CREB5: variants seen among roughly 807,000 people sequenced by gnomAD.
The protein encoded by CREB5 is cAMP responsive element binding protein 5.
Under a neutral mutation model 57.1 loss-of-function variants are expected in CREB5, and 19 were observed. That is an observed-to-expected ratio of 0.33 (90% CI 0.23 to 0.49). The LOEUF (loss-of-function observed/expected upper bound fraction) is 0.49. Among genes scored for constraint, CREB5 ranks in the 20% least tolerant of loss-of-function variants. CREB5 has a pLI of 0.99. For synonymous variants in CREB5, 238 were observed against 238.3 expected (o/e 1.00, Z 0.01); for missense variants, 579 against 671.6 (o/e 0.86, Z 1.52).
At chr7:28,426,662 A>C (rs1471391830) in intron 1 of CREB5, among the ~76,000 whole-genome samples, 4 of 152,240 alleles carry the variant, frequency 2.6e-5, no homozygotes, top group African/African-American at 9.6e-5. Context: ...TCATCTCCTG[A>C]TCTGCAAAAC....
At chr7:28,574,669 A>T (rs2128651811) in intron 5 of CREB5, among the ~76,000 whole-genome samples, 1 of 152,194 alleles carries the variant, frequency 6.6e-6, no homozygotes, top group South Asian at 2.1e-4. Flanking sequence ...TATTCTACAT[A>T]TTTTTTTCTT....
chr7:28,613,319 T>C (rs937152432), intron 5 of CREB5, among the ~76,000 whole-genome samples: 2 of 152,368 alleles, frequency 1.3e-5, no homozygotes, highest in African/African-American at 4.8e-5. Context: ...TGGCACTTGC[T>C]GAGGCAGGGC....
chr7:28,805,883 A>G (rs558668995), intron 8 of CREB5, among the ~76,000 whole-genome samples: 1 of 152,316 alleles, frequency 6.6e-6, no homozygotes, highest in East Asian at 1.9e-4. Flanking sequence ...CCCTTGACAC[A>G]GTGTTCAAAA....
chr7:28,356,049 C>T (rs970571367), intron 1 of CREB5, among the ~76,000 whole-genome samples: 3 of 152,188 alleles, frequency 2.0e-5, no homozygotes, highest in South Asian at 2.1e-4. Flanking sequence ...TTTGTAAACA[C>T]GCCTCTCTGT....
chr7:28,793,311 C>G (rs1392045242), intron 7 of CREB5, among the ~76,000 whole-genome samples: 1 of 152,176 alleles, frequency 6.6e-6, no homozygotes, highest in African/African-American at 2.4e-5. Context: ...ATATGGATAC[C>G]AAGGGACAAG....
rs1796306931 is a variant in CREB5 at position 28,586,341 on chromosome 7, CT to C, written c.464+15805del. ...AGTTCCCCCAAAGAAGCTCAGAGCT[CT>C]GGGAGGGGCCCAGGGTGTTCTTTTA... On this transcript the variant is annotated intron_variant, in intron 5 of 10. Transcript: ENST00000357727. 5.3e-5 allele frequency among the ~76,000 whole-genome samples: 8 copies of C among 152,170 alleles called. No individual in the cohort carries two copies. In the South Asian group the frequency reaches 1.7e-3, roughly 32 times the overall value.
chr7:28,523,765 G>T (rs1157842648), intron 4 of CREB5, among the ~76,000 whole-genome samples: 4 of 152,102 alleles, frequency 2.6e-5, no homozygotes, highest in Non-Finnish European at 4.4e-5. Flanking sequence ...TCTAATCCAC[G>T]CATGAAAGCT....
intron 7 of CREB5, among the ~76,000 whole-genome samples, chr7:28,791,140 A>G (rs1238834708): frequency 6.6e-6 from 1 of 152,208 alleles, no homozygotes; most frequent in Non-Finnish European, 1.5e-5. Flanking sequence ...TCTGGAAACT[A>G]GGGTGGAGTG....
chr7:28,560,831 C>CGTGCGCGTGCGCGT (rs1562797049), intron 4 of CREB5, among the ~76,000 whole-genome samples: 1 of 58,896 alleles, frequency 1.7e-5, no homozygotes, highest in Non-Finnish European at 3.5e-5. Flanking sequence ...TGCGCGCGCG[C>CGTGCGCGTGCGCGT]GCGTGTGTGT....
intron 5 of CREB5, among the ~76,000 whole-genome samples, chr7:28,663,745 T>G (rs1362032783): frequency 5.9e-5 from 9 of 152,238 alleles, no homozygotes; most frequent in African/African-American, 2.2e-4. Context: ...GATAGAGAGA[T>G]TCTAATCATC....
chr7:28,489,155 A>G (rs1791692077), intron 2 of CREB5, among the ~76,000 whole-genome samples: 1 of 152,146 alleles, frequency 6.6e-6, no homozygotes, highest in African/African-American at 2.4e-5. Flanking sequence ...AACCCAGAGC[A>G]CAGGGGTCTT....
intron 1 of CREB5, among the ~76,000 whole-genome samples, chr7:28,385,852 A>G (rs1787081405): frequency 6.6e-6 from 1 of 152,100 alleles, no homozygotes; most frequent in Non-Finnish European, 1.5e-5. Context: ...TTTCTAGATC[A>G]TTTTTTAGAG....
At chr7:28,548,308 C>T (rs1794494732) in intron 4 of CREB5, among the ~76,000 whole-genome samples, 1 of 152,126 alleles carries the variant, frequency 6.6e-6, no homozygotes, top group Non-Finnish European at 1.5e-5. Flanking sequence ...CATGATGTCC[C>T]AGTAGACTTT....
intron 5 of CREB5, among the ~76,000 whole-genome samples, chr7:28,643,756 G>GA (rs1478078632): frequency 1.5e-4 from 12 of 82,164 alleles, no homozygotes; most frequent in African/African-American, 6.2e-4. Flanking sequence ...GGAGGTGGGG[G>GA]GGGGCGGAAG....
intron 3 of CREB5, among the ~76,000 whole-genome samples, chr7:28,502,288 A>G (rs1202933364): frequency 6.6e-6 from 1 of 152,168 alleles, no homozygotes; most frequent in East Asian, 1.9e-4. Flanking sequence ...TTTAATGTAA[A>G]TTTTCTTAAA....
chr7:28,759,458 G>T (rs1049668340), intron 7 of CREB5, among the ~76,000 whole-genome samples: 1 of 152,178 alleles, frequency 6.6e-6, no homozygotes, highest in Non-Finnish European at 1.5e-5. Context: ...CAGAGCAGAT[G>T]TGCAGTGTTC....
At chr7:28,459,201 CG>C (rs1391764952) in intron 1 of CREB5, among the ~76,000 whole-genome samples, 1 of 152,008 alleles carries the variant, frequency 6.6e-6, no homozygotes, top group Non-Finnish European at 1.5e-5. Context: ...TGTGTGTGTG[CG>C]GGGGAGTCTG....
At chr7:28,773,476 G>T (rs578102046) in intron 7 of CREB5, among the ~76,000 whole-genome samples, 2 of 152,036 alleles carry the variant, frequency 1.3e-5, no homozygotes, top group African/African-American at 4.8e-5. Context: ...GCAGAAGTGG[G>T]CAAACGTTTT....
intron 7 of CREB5, among the ~76,000 whole-genome samples, chr7:28,743,800 C>G (rs1234173544): frequency 8.2e-6 from 1 of 121,308 alleles, no homozygotes; most frequent in Non-Finnish European, 1.7e-5. Context: ...CTTCCCCGGT[C>G]TTTCTTCTCT....
Sources: gnomAD v4.1 joint callset for allele counts (sites outside exome capture counted in the v4.1 genomes callset) on GRCh38, gnomAD v4.1.1 for gene constraint, MANE v1.5 for transcripts, NCBI Gene and HGNC (gene_info 2026-07-23, HGNC 2026-07-21) for gene names.